The following HPSE2 variants were observed in gnomAD, a reference collection of about 807,000 sequenced individuals.
HPSE2 encodes the protein heparanase 2 (inactive).
Under a neutral mutation model 60.5 loss-of-function variants are expected in HPSE2, and 38 were observed. That is an observed-to-expected ratio of 0.63 (90% CI 0.48 to 0.82). The LOEUF (loss-of-function observed/expected upper bound fraction) is 0.82, where lower values mean the gene tolerates loss of function less well. Among genes scored for constraint, HPSE2 ranks in the 40% least tolerant of loss-of-function variants. HPSE2 has a pLI of 0.00. For missense variants in HPSE2, 713 were observed against 740.4 expected (o/e 0.96, Z 0.43); for synonymous variants, 295 against 293.2 (o/e 1.01, Z -0.06).
chr10:98,961,508 C>T (rs374488178), intron 3 of HPSE2, among the ~76,000 whole-genome samples: 576 of 50,188 alleles, frequency 0.011, no homozygotes, highest in African/African-American at 0.029. Context: ...ATGAGCATTT[C>T]TTCATGTGTT....
At chr10:98,745,879 A>C (rs1949616888) in intron 3 of HPSE2, among the ~76,000 whole-genome samples, 1 of 152,308 alleles carries the variant, frequency 6.6e-6, no homozygotes, top group East Asian at 1.9e-4. Flanking sequence ...GAGATGATGC[A>C]GAGTGTCCAA....
chr10:99,150,444 A>C (rs1444168913), intron 2 of HPSE2, among the ~76,000 whole-genome samples: 1 of 152,110 alleles, frequency 6.6e-6, no homozygotes, highest in Non-Finnish European at 1.5e-5. Flanking sequence ...TCAGACTCCC[A>C]AACAGTCAGG....
chr10:99,310,524 T>A, the HPSE2 span, among the ~76,000 whole-genome samples: 1 of 152,258 alleles, frequency 6.6e-6, no homozygotes, highest in African/African-American at 2.4e-5. Flanking sequence ...AATTTTAGCA[T>A]AATTTTTAAA....
At chr10:99,116,700 C>T (rs562952202) in intron 3 of HPSE2, among the ~76,000 whole-genome samples, 232 of 152,130 alleles carry the variant, frequency 1.5e-3, no homozygotes, top group Non-Finnish European at 2.4e-3. Context: ...CTGTGAGACA[C>T]GGAGAACAAA....
At chr10:98,537,054 T>C (rs1456127882) in intron 9 of HPSE2, among the ~76,000 whole-genome samples, 2 of 152,188 alleles carry the variant, frequency 1.3e-5, no homozygotes, top group East Asian at 3.8e-4. Flanking sequence ...GGCCTCAGTG[T>C]AGAAAATGGA....
At chr10:99,195,502 T>C (rs989645695) in intron 2 of HPSE2, among the ~76,000 whole-genome samples, 1 of 151,260 alleles carries the variant, frequency 6.6e-6, no homozygotes, top group Non-Finnish European at 1.5e-5. Context: ...AACTGATAAG[T>C]TGAGTAAAGT....
chr10:98,507,639 A>T (rs1942246224), intron 9 of HPSE2, among the ~76,000 whole-genome samples: 1 of 151,682 alleles, frequency 6.6e-6, no homozygotes, highest in South Asian at 2.1e-4. Flanking sequence ...TATCTATTCT[A>T]GCTATTTTTT....
chr10:98,472,822 C>CCCTT (rs1554911588), intron 11 of HPSE2, among the ~76,000 whole-genome samples: 2 of 151,664 alleles, frequency 1.3e-5, no homozygotes, highest in Non-Finnish European at 2.9e-5. Context: ...CAAGATAATA[C>CCCTT]TCTAATAGTT....
chr10:98,684,170 A>C (rs1947853428), intron 6 of HPSE2, among the ~76,000 whole-genome samples: 1 of 152,152 alleles, frequency 6.6e-6, no homozygotes, highest in Admixed American at 6.5e-5. Context: ...TCCAACAAAT[A>C]AGAGTCAAAA....
intron 2 of HPSE2, among the ~76,000 whole-genome samples, chr10:99,216,054 C>T (rs948853447): frequency 5.9e-5 from 9 of 152,086 alleles, no homozygotes; most frequent in Non-Finnish European, 1.3e-4. Context: ...GAAGAAAATA[C>T]GTTTAATCTA....
chr10:98,708,603 A>G (rs956285340), intron 5 of HPSE2, among the ~76,000 whole-genome samples: 1 of 152,200 alleles, frequency 6.6e-6, no homozygotes, highest in African/African-American at 2.4e-5. Flanking sequence ...TCATGTAAAA[A>G]TTGCTGTAAG....
chr10:98,591,882 C>T (rs1161682687), intron 9 of HPSE2, among the ~76,000 whole-genome samples: 1 of 152,158 alleles, frequency 6.6e-6, no homozygotes, highest in East Asian at 1.9e-4. Flanking sequence ...GATCACTATA[C>T]TTCAGTTTGG....
At chr10:98,583,055 A>G (rs12219601) in intron 9 of HPSE2, among the ~76,000 whole-genome samples, 8,271 of 152,244 alleles carry the variant, frequency 0.054, 275 homozygotes, top group Middle Eastern at 0.13. Context: ...AGCAGGTCAC[A>G]AATGCCTACT....
chr10:98,898,669 C>T (rs1013295150), intron 3 of HPSE2, among the ~76,000 whole-genome samples: 1 of 151,466 alleles, frequency 6.6e-6, no homozygotes, highest in African/African-American at 2.4e-5. Context: ...ATCCATTTGA[C>T]AAAAAAATAA....
intron 3 of HPSE2, among the ~76,000 whole-genome samples, chr10:99,072,174 T>C (rs980356332): frequency 6.6e-6 from 1 of 152,162 alleles, no homozygotes; most frequent in South Asian, 2.1e-4. Flanking sequence ...TTGGGTAGTA[T>C]GGACATTTTA....
chr10:98,909,522 C>T (rs1053411266), intron 3 of HPSE2, among the ~76,000 whole-genome samples: 18 of 150,942 alleles, frequency 1.2e-4, no homozygotes, highest in Non-Finnish European at 2.4e-4. Context: ...CCCAGCTACT[C>T]GGGAGGCTGA....
chr10:99,190,874 C>T (rs1848197570), intron 2 of HPSE2, among the ~76,000 whole-genome samples: 1 of 152,130 alleles, frequency 6.6e-6, no homozygotes, highest in Non-Finnish European at 1.5e-5. Flanking sequence ...TGGACCTGCC[C>T]TGGGCCAGAG....
At chr10:98,564,749 C>T (rs536955) in intron 9 of HPSE2, among the ~76,000 whole-genome samples, 130,930 of 152,236 alleles carry the variant, frequency 0.86, 57,272 homozygotes, top group East Asian at 1. Context: ...TTATTTGTAG[C>T]TGTTCTAAAT....
chr10:98,512,126 T>C (rs1005994337), intron 9 of HPSE2, among the ~76,000 whole-genome samples: 1 of 152,194 alleles, frequency 6.6e-6, no homozygotes, highest in Non-Finnish European at 1.5e-5. Flanking sequence ...AGAGCTCTGC[T>C]GCTCCAACTT....
Sources: allele counts gnomAD v4.1 joint callset (sites outside exome capture counted in the v4.1 genomes callset), GRCh38; gene constraint gnomAD v4.1.1; transcripts MANE v1.5; gene names NCBI Gene and HGNC (gene_info 2026-07-23, HGNC 2026-07-21).